Variants in NCKAP5 observed in about 807,000 individuals in gnomAD.
NCKAP5 encodes nck-associated protein 5.
In NCKAP5, 92 loss-of-function variants were observed where a neutral mutation model predicts 167.0. That is an observed-to-expected ratio of 0.55 (90% CI 0.47 to 0.66). The LOEUF is 0.66. NCKAP5 is among the 30% of genes least tolerant of loss of function. The probability of loss-of-function intolerance (pLI) is 0.00; values close to 1 mark genes in which losing one functional copy is unlikely to be tolerated. For missense variants in NCKAP5, 2,378 were observed against 2,315.0 expected (o/e 1.03, Z -0.56); for synonymous variants, 891 against 877.4 (o/e 1.02, Z -0.27).
At chr2:133,170,154 G>A (rs115101551) in intron 5 of NCKAP5, among the ~76,000 whole-genome samples, 1 of 152,184 alleles carries the variant, frequency 6.6e-6, no homozygotes, top group Non-Finnish European at 1.5e-5. Flanking sequence ...TAAAAGAGAT[G>A]ATATTAGAGG....
chr2:132,765,719 A>G (rs1681413973), intron 16 of NCKAP5, among the ~76,000 whole-genome samples: 1 of 152,134 alleles, frequency 6.6e-6, no homozygotes, highest in Admixed American at 6.5e-5. Context: ...AGATGTCCCT[A>G]ATACCCATTA....
chr2:132,984,689 C>T (rs539724176), intron 7 of NCKAP5, among the ~76,000 whole-genome samples: 1 of 152,176 alleles, frequency 6.6e-6, no homozygotes, highest in East Asian at 1.9e-4. Flanking sequence ...TCTTTCTTAA[C>T]TATTTCCTCA....
chr2:133,322,846 A>G (rs1176209901), intron 3 of NCKAP5, among the ~76,000 whole-genome samples: 1 of 152,208 alleles, frequency 6.6e-6, no homozygotes, highest in Non-Finnish European at 1.5e-5. Context: ...AACAGACTGC[A>G]GGGTCCCACC....
chr2:132,734,045 G>A (rs1691282653), intron 16 of NCKAP5, among the ~76,000 whole-genome samples: 1 of 152,202 alleles, frequency 6.6e-6, no homozygotes, highest in African/African-American at 2.4e-5. Context: ...GACGCACCAA[G>A]AGAAGTGCTT....
chr2:133,526,099 C>G (rs141765469), intron 2 of NCKAP5, among the ~76,000 whole-genome samples: 3,506 of 150,934 alleles, frequency 0.023, 62 homozygotes, highest in Non-Finnish European at 0.036. Flanking sequence ...TTGTCCCAGG[C>G]CCTGTGTTAG....
At chr2:133,236,962 G>A (rs186686002) in intron 4 of NCKAP5, among the ~76,000 whole-genome samples, 9 of 151,810 alleles carry the variant, frequency 5.9e-5, no homozygotes, top group African/African-American at 1.4e-4. Context: ...TCAAGTTAAC[G>A]GGTGCAGCAC....
intron 3 of NCKAP5, among the ~76,000 whole-genome samples, chr2:133,489,710 C>T (rs1270255159): frequency 6.6e-6 from 1 of 152,166 alleles, no homozygotes; most frequent in Admixed American, 6.5e-5. Flanking sequence ...CATGAGAGTT[C>T]TGTTTGTTTG....
intron 14 of NCKAP5, 77 bp from the exon 15 acceptor site, chr2:132,781,306 A>G: frequency 7.2e-7 from 1 of 1,385,700 alleles, no homozygotes; most frequent in Non-Finnish European, 9.7e-7. Context: ...AATCTTTTTA[A>G]TATTTAAAGT....
chr2:133,116,401 T>G (rs572961931), intron 6 of NCKAP5, among the ~76,000 whole-genome samples: 2 of 94,378 alleles, frequency 2.1e-5, no homozygotes, highest in Admixed American at 1.4e-4. Context: ...GGCAGGAGAA[T>G]GGCGTGAACC....
intron 8 of NCKAP5, among the ~76,000 whole-genome samples, chr2:132,939,809 G>C (rs923816651): frequency 6.6e-6 from 1 of 152,026 alleles, no homozygotes; most frequent in African/African-American, 2.4e-5. Flanking sequence ...AGACCAGCCT[G>C]GTCAACATGG....
intron 3 of NCKAP5, among the ~76,000 whole-genome samples, chr2:133,507,814 C>T (rs1048941539): frequency 6.6e-6 from 1 of 152,146 alleles, no homozygotes; most frequent in Admixed American, 6.5e-5. Context: ...AGGAATGGAA[C>T]ATGGCAATGC....
chr2:133,394,037 T>C (rs1188661534), intron 3 of NCKAP5, among the ~76,000 whole-genome samples: 1 of 152,230 alleles, frequency 6.6e-6, no homozygotes, highest in Non-Finnish European at 1.5e-5. Flanking sequence ...TATACTGGCA[T>C]TCAACACACA....
At chr2:132,726,612 T>A (rs1690480679) in intron 18 of NCKAP5, among the ~76,000 whole-genome samples, 1 of 152,196 alleles carries the variant, frequency 6.6e-6, no homozygotes, top group Non-Finnish European at 1.5e-5. Flanking sequence ...TACAGATGCA[T>A]TAGATGGGTC....
intron 3 of NCKAP5, among the ~76,000 whole-genome samples, chr2:133,432,115 G>A (rs1690198398): frequency 6.6e-6 from 1 of 152,100 alleles, no homozygotes. Context: ...GCCTAGTGTT[G>A]TCCTTTGTCA....
intron 8 of NCKAP5, among the ~76,000 whole-genome samples, chr2:132,899,836 C>T (rs1341446959): frequency 2.0e-5 from 3 of 152,130 alleles, no homozygotes; most frequent in Admixed American, 2.0e-4. Flanking sequence ...GATTGAGCCA[C>T]TACATTCCAG....
intron 7 of NCKAP5, among the ~76,000 whole-genome samples, chr2:132,967,851 T>C (rs1247341787): frequency 6.6e-6 from 1 of 152,136 alleles, no homozygotes; most frequent in Admixed American, 6.5e-5. Context: ...AATAATATCA[T>C]CTGATAGAGA....
intron 3 of NCKAP5, among the ~76,000 whole-genome samples, chr2:133,354,551 A>G (rs1486803611): frequency 6.6e-6 from 1 of 152,202 alleles, no homozygotes; most frequent in Admixed American, 6.5e-5. Context: ...CACATCACCC[A>G]ATAGATAAGA....
At chr2:133,490,575 C>T (rs1490184669) in intron 3 of NCKAP5, among the ~76,000 whole-genome samples, 1 of 152,156 alleles carries the variant, frequency 6.6e-6, no homozygotes, top group African/African-American at 2.4e-5. Context: ...AAGATCCCAC[C>T]TAAAATTCAA....
intron 8 of NCKAP5, chr2:132,926,184 G>T: frequency 5.1e-6 from 2 of 393,080 alleles, no homozygotes; most frequent in Non-Finnish European, 5.2e-6. Flanking sequence ...TAGGATAATG[G>T]CCTCCAGTTC....
Sources: allele counts gnomAD v4.1 joint callset (sites outside exome capture counted in the v4.1 genomes callset), GRCh38; gene constraint gnomAD v4.1.1; transcripts MANE v1.5; gene names NCBI Gene and HGNC (gene_info 2026-07-23, HGNC 2026-07-21).